The following STK32B variants were observed in gnomAD, a reference collection of about 807,000 sequenced individuals.
STK32B encodes the protein serine/threonine kinase 32B.
A neutral mutation model predicts 52.6 loss-of-function variants in STK32B; 43 were observed. The ratio of observed to expected loss-of-function variants is 0.82; its 90% CI spans 0.64 to 1.05. The LOEUF (loss-of-function observed/expected upper bound fraction) is 1.05. STK32B is among the 50% of genes least tolerant of loss of function. The probability of loss-of-function intolerance (pLI) is 0.00; values close to 1 mark genes in which losing one functional copy is unlikely to be tolerated. For synonymous variants in STK32B, 238 were observed against 204.3 expected (o/e 1.17, Z -1.41); for missense variants, 621 against 534.6 (o/e 1.16, Z -1.59).
At chr4:5,258,919 G>A (rs1390067725) in intron 3 of STK32B, among the ~76,000 whole-genome samples, 3 of 152,170 alleles carry the variant, frequency 2.0e-5, no homozygotes, top group Non-Finnish European at 2.9e-5. Context: ...GCTCCATGTG[G>A]TGAGTGCCTG....
chr4:5,069,258 T>G (rs531448354), intron 1 of STK32B, among the ~76,000 whole-genome samples: 2 of 147,956 alleles, frequency 1.4e-5, no homozygotes, highest in East Asian at 4.1e-4. Context: ...AGTGGCACAA[T>G]CTCGGCTCAC....
At chr4:5,275,147 G>C (rs1008832913) in intron 3 of STK32B, among the ~76,000 whole-genome samples, 1 of 152,178 alleles carries the variant, frequency 6.6e-6, no homozygotes, top group Non-Finnish European at 1.5e-5. Context: ...CCGCCATTTT[G>C]GAAGTGGCCT....
At chr4:5,348,848 G>A (rs1395173788) in intron 4 of STK32B, among the ~76,000 whole-genome samples, 1 of 152,122 alleles carries the variant, frequency 6.6e-6, no homozygotes, top group Non-Finnish European at 1.5e-5. Flanking sequence ...GGGACCTGGG[G>A]GAATCATCAT....
Position 5,379,690 on chromosome 4 carries a change from A to T in STK32B, c.435-18517A>T, listed in dbSNP as rs568047318. Among the ~76,000 whole-genome samples the T allele has an allele frequency of 1.9e-4, 29 of 152,272 alleles. No individual in the cohort carries two copies. In the South Asian group the frequency reaches 3.1e-3, roughly 16 times the overall value. On this transcript the variant is annotated intron_variant, in intron 4 of 11. Transcript: ENST00000282908. ...CAAGAGGCCATTAGAACACAGACAC[A>T]CACAAAGGGAAGACTGTGGGAGGAC...
At chr4:5,075,541 T>A (rs1329221659) in intron 1 of STK32B, among the ~76,000 whole-genome samples, 6 of 152,164 alleles carry the variant, frequency 3.9e-5, no homozygotes, top group Non-Finnish European at 7.4e-5. Flanking sequence ...GTCCTCCTTG[T>A]GCCCAATTTT....
At chr4:5,449,879 G>A (rs1158523622) in intron 7 of STK32B, among the ~76,000 whole-genome samples, 1 of 152,098 alleles carries the variant, frequency 6.6e-6, no homozygotes, top group Non-Finnish European at 1.5e-5. Context: ...CTAGTTGTAG[G>A]AAAACCAGCT....
intron 1 of STK32B, among the ~76,000 whole-genome samples, chr4:5,067,351 A>G (rs1430274276): frequency 6.6e-6 from 1 of 152,254 alleles, no homozygotes; most frequent in South Asian, 2.1e-4. Flanking sequence ...CAGCCAAACC[A>G]TATCAGTCAG....
chr4:5,424,316 G>C, intron 6 of STK32B, among the ~76,000 whole-genome samples: 1 of 152,160 alleles, frequency 6.6e-6, no homozygotes, highest in East Asian at 1.9e-4. Flanking sequence ...CTACTAGGTG[G>C]AAATGAGTGG....
At chr4:5,297,502 T>C (rs900373071) in intron 3 of STK32B, among the ~76,000 whole-genome samples, 1 of 152,150 alleles carries the variant, frequency 6.6e-6, no homozygotes, top group African/African-American at 2.4e-5. Flanking sequence ...TAATCTTGTC[T>C]TCACGCTTTA....
At chr4:5,290,634 C>T (rs1215467295) in intron 3 of STK32B, among the ~76,000 whole-genome samples, 1 of 151,376 alleles carries the variant, frequency 6.6e-6, no homozygotes, top group Non-Finnish European at 1.5e-5. Context: ...ACTTTAAGTT[C>T]ATACATGTAA....
chr4:5,254,926 A>G (rs184515550), intron 3 of STK32B, among the ~76,000 whole-genome samples: 46 of 150,956 alleles, frequency 3.0e-4, no homozygotes, highest in African/African-American at 1.1e-3. Context: ...CTTTCCATAT[A>G]TAGGATTCTT....
At chr4:5,317,525 T>A (rs146584158) in intron 3 of STK32B, among the ~76,000 whole-genome samples, 1,492 of 101,848 alleles carry the variant, frequency 0.015, 44 homozygotes, top group South Asian at 0.057. Context: ...ATATTTATTA[T>A]ATATATATTA....
chr4:5,370,000 C>T lies in STK32B; in HGVS notation c.435-28207C>T, dbSNP rs180795043. On this transcript the variant is annotated intron_variant, in intron 4 of 11. Transcript: ENST00000282908. The stretch of plus-strand genomic sequence containing the variant: ...ATGCCATTCTCCTGCCTCAGCCTCC[C>T]GAGTAGCTGGGACTACAGGCGCCAC... 8.3e-3 allele frequency among the ~76,000 whole-genome samples: 1,261 copies of T among 152,096 alleles called. 20 individuals are homozygous for T. Among genetic ancestry groups the T allele is most frequent in the African/African-American group, 0.028 (1,145 of 41,440 alleles).
At chr4:5,176,896 G>T (rs1719946535) in intron 3 of STK32B, among the ~76,000 whole-genome samples, 1 of 152,162 alleles carries the variant, frequency 6.6e-6, no homozygotes. Flanking sequence ...TCTATCATAA[G>T]CAAGAAAGGG....
chr4:5,415,791 T>A (rs1250112285), intron 5 of STK32B, among the ~76,000 whole-genome samples: 1 of 152,194 alleles, frequency 6.6e-6, no homozygotes, highest in Non-Finnish European at 1.5e-5. Flanking sequence ...GGTGCTTTTT[T>A]TGTCCACTGT....
In STK32B at chr4:5,251,567, C is replaced by G. The variant is rs116123830; in HGVS notation, c.261-79653C>G. On this transcript the variant is annotated intron_variant, in intron 3 of 11. Coordinates refer to ENST00000282908, the MANE Select transcript of STK32B (RefSeq NM_018401.3). ...AGTATTCCTTAGTTATTCAGGCTCT[C>G]TCTTTTGGTTCCATATGAATTTTAT... Among the ~76,000 whole-genome samples, 877 of 152,186 alleles carry G rather than the reference C, an allele frequency of 5.8e-3. 8 individuals carry two copies. Among genetic ancestry groups the G allele is most frequent in the African/African-American group, 0.02 (850 of 41,530 alleles).
chr4:5,081,280 AT>A (rs1488183779), intron 1 of STK32B, among the ~76,000 whole-genome samples: 3 of 152,056 alleles, frequency 2.0e-5, no homozygotes, highest in African/African-American at 7.2e-5. Context: ...TTTTCTCTTG[AT>A]GCTTTCAAAA....
intron 1 of STK32B, among the ~76,000 whole-genome samples, chr4:5,089,987 AT>A (rs1473385277): frequency 6.6e-6 from 1 of 151,794 alleles, no homozygotes; most frequent in Non-Finnish European, 1.5e-5. Context: ...TTTTTTTCAT[AT>A]GTTTGGTGGC....
At chr4:5,418,303 A>G (rs1712329769) in intron 6 of STK32B, among the ~76,000 whole-genome samples, 1 of 146,134 alleles carries the variant, frequency 6.8e-6, no homozygotes, top group Admixed American at 6.7e-5. Context: ...TTTGACTTTG[A>G]TACTTTTCTG....
Sources: allele counts gnomAD v4.1 joint callset (sites outside exome capture counted in the v4.1 genomes callset), GRCh38; gene constraint gnomAD v4.1.1; transcripts MANE v1.5; gene names NCBI Gene and HGNC (gene_info 2026-07-23, HGNC 2026-07-21).